The following TRIM2 variants were observed in gnomAD, a reference collection of about 807,000 sequenced individuals.
TRIM2 encodes the protein tripartite motif containing 2, also known as tripartite motif-containing protein 2.
In TRIM2, 20 loss-of-function variants were observed where a neutral mutation model predicts 75.2. That is an observed-to-expected ratio of 0.27 (90% CI 0.19 to 0.39). The LOEUF is 0.39. Among genes scored for constraint, TRIM2 ranks in the 10% least tolerant of loss-of-function variants. The pLI, the probability that TRIM2 is intolerant of heterozygous loss-of-function variation, is 1.00. For missense variants in TRIM2, 660 were observed against 990.8 expected, an observed-to-expected ratio of 0.67 and a Z score of 4.48; for synonymous variants, 373 against 388.3, an observed-to-expected ratio of 0.96 and a Z score of 0.46.
At chr4:153,204,383 CG>C (rs947248342), upstream of TRIM2, 1 of 819,998 alleles carries the variant, frequency 1.2e-6, no homozygotes, top group Non-Finnish European at 2.0e-6. Flanking sequence ...ACTGTAGCCC[CG>C]CCCCTTTGGC....
intron 1 of TRIM2, among the ~76,000 whole-genome samples, chr4:153,187,358 G>A (rs1349569929): frequency 6.6e-6 from 1 of 152,148 alleles, no homozygotes; most frequent in East Asian, 1.9e-4. Context: ...CCCATTTACC[G>A]ACGTGGAGGA....
chr4:153,178,573 T>C (rs1053273613), intron 1 of TRIM2, among the ~76,000 whole-genome samples: 1 of 152,148 alleles, frequency 6.6e-6, no homozygotes, highest in Non-Finnish European at 1.5e-5. Context: ...CTCACTATGC[T>C]AGATAATAAA....
chr4:153,312,438 C>A (rs532028296), intron 6 of TRIM2, among the ~76,000 whole-genome samples: 6 of 151,820 alleles, frequency 4.0e-5, no homozygotes, highest in African/African-American at 1.2e-4. Flanking sequence ...TTTATGCAGC[C>A]AAAAAACACA....
At chr4:153,229,909 A>G (rs1236903389) in intron 1 of TRIM2, among the ~76,000 whole-genome samples, 1 of 152,246 alleles carries the variant, frequency 6.6e-6, no homozygotes, top group Non-Finnish European at 1.5e-5. Context: ...GGATAAATGC[A>G]TTCACCAAGT....
intron 1 of TRIM2, among the ~76,000 whole-genome samples, chr4:153,244,887 G>C (rs1264275593): frequency 1.3e-5 from 2 of 152,210 alleles, no homozygotes; most frequent in Non-Finnish European, 2.9e-5. Flanking sequence ...CTGTTTTACA[G>C]CTAAATCATT....
At chr4:153,242,023 C>T (rs774084465) in intron 1 of TRIM2, among the ~76,000 whole-genome samples, 10 of 152,178 alleles carry the variant, frequency 6.6e-5, no homozygotes, top group Non-Finnish European at 1.3e-4. Flanking sequence ...AATGGGAATT[C>T]TACTGAGGCC....
intron 8 of TRIM2, among the ~76,000 whole-genome samples, chr4:153,317,667 AAAAG>A (rs971886727): frequency 5.3e-5 from 8 of 152,108 alleles, no homozygotes; most frequent in Non-Finnish European, 1.2e-4. Flanking sequence ...AAAAAAAAAA[AAAAG>A]ATCTATCTTG....
intron 1 of TRIM2, among the ~76,000 whole-genome samples, chr4:153,262,675 T>A (rs1028758109): frequency 6.6e-6 from 1 of 152,168 alleles, no homozygotes; most frequent in Non-Finnish European, 1.5e-5. Context: ...TGTGGCTGAT[T>A]TGTTAGTTTT....
intron 6 of TRIM2, among the ~76,000 whole-genome samples, chr4:153,307,451 A>T (rs1051585542): frequency 1.0e-4 from 15 of 150,084 alleles, no homozygotes; most frequent in Non-Finnish European, 1.5e-4. Context: ...AAAAATATAT[A>T]TTTTTTTACT....
At chr4:153,198,313 A>T (rs1733979988) in intron 1 of TRIM2, among the ~76,000 whole-genome samples, 1 of 152,108 alleles carries the variant, frequency 6.6e-6, no homozygotes, top group South Asian at 2.1e-4. Flanking sequence ...ACAGGGAGGT[A>T]ATTGAATCAT....
chr4:153,332,367 G>A (rs1339374404), intron 11 of TRIM2, among the ~76,000 whole-genome samples: 1 of 152,164 alleles, frequency 6.6e-6, no homozygotes, highest in African/African-American at 2.4e-5. Flanking sequence ...AAAGGCGGCT[G>A]GGTGCTGTGG....
chr4:153,205,126 T>C (rs1735035955), intron 1 of TRIM2, among the ~76,000 whole-genome samples: 2 of 152,214 alleles, frequency 1.3e-5, no homozygotes, highest in Admixed American at 6.5e-5. Flanking sequence ...ACTATGTCCC[T>C]CTGCCGTGCG....
At chr4:153,321,244 G>A (rs189049451) in intron 8 of TRIM2, among the ~76,000 whole-genome samples, 25 of 152,372 alleles carry the variant, frequency 1.6e-4, no homozygotes, top group Non-Finnish European at 2.6e-4. Flanking sequence ...TTGAGGGCAA[G>A]AGCTACGTCT....
chr4:153,277,435 C>G (rs1220781970), intron 3 of TRIM2, among the ~76,000 whole-genome samples: 2 of 152,178 alleles, frequency 1.3e-5, no homozygotes, highest in African/African-American at 4.8e-5. Context: ...TATTTGTGTA[C>G]TTATTAGTCC....
intron 1 of TRIM2, chr4:153,267,107 T>A: frequency 6.6e-6 from 1 of 151,888 alleles, no homozygotes; most frequent in Admixed American, 6.6e-5. Context: ...AAAAGAATGT[T>A]TTCTTTAGAA....
At chr4:153,239,172 G>A (rs762230579) in intron 1 of TRIM2, among the ~76,000 whole-genome samples, 6 of 152,152 alleles carry the variant, frequency 3.9e-5, no homozygotes, top group Admixed American at 2.0e-4. Context: ...CTAACACAGC[G>A]AAACCCCATC....
chr4:153,324,651 T>A (rs1769759662), intron 10 of TRIM2, among the ~76,000 whole-genome samples: 1 of 152,214 alleles, frequency 6.6e-6, no homozygotes, highest in African/African-American at 2.4e-5. Flanking sequence ...AACAGTGACC[T>A]ATAGTATATC....
chr4:153,188,594 C>T (rs1560796293), intron 1 of TRIM2, among the ~76,000 whole-genome samples: 1 of 152,188 alleles, frequency 6.6e-6, no homozygotes, highest in Non-Finnish European at 1.5e-5. Context: ...TCTGAATTCA[C>T]TCCTCTCTTT....
intron 1 of TRIM2, among the ~76,000 whole-genome samples, chr4:153,174,005 G>A (rs1731149259): frequency 6.8e-6 from 1 of 147,352 alleles, no homozygotes; most frequent in East Asian, 2.0e-4. Context: ...AAAACAAAAG[G>A]AAATGCAAGC....
Sources: gnomAD v4.1 joint callset for allele counts (sites outside exome capture counted in the v4.1 genomes callset) on GRCh38, gnomAD v4.1.1 for gene constraint, MANE v1.5 for transcripts, NCBI Gene and HGNC (gene_info 2026-07-23, HGNC 2026-07-21) for gene names.